The following PARD3 variants were observed in gnomAD, a reference collection of about 807,000 sequenced individuals.
The protein encoded by PARD3 is par-3 family cell polarity regulator, also known as partitioning defective 3 homolog.
In PARD3, 75 loss-of-function variants were observed where a neutral mutation model predicts 155.4. That is an observed-to-expected ratio of 0.48 (90% CI 0.40 to 0.58). PARD3 has a LOEUF of 0.58. Ranked by LOEUF, PARD3 falls within the 20% of genes least tolerant of loss-of-function variation. The pLI is 0.00. For missense variants in PARD3, 1,642 were observed against 1,721.7 expected, an observed-to-expected ratio of 0.95 and a Z score of 0.82; for synonymous variants, 576 against 610.5, an observed-to-expected ratio of 0.94 and a Z score of 0.83.
At chr10:34,434,335 G>A (rs116200954) in intron 5 of PARD3, among the ~76,000 whole-genome samples, 23 of 152,324 alleles carry the variant, frequency 1.5e-4, no homozygotes, top group African/African-American at 5.3e-4. Context: ...AGTATTTCAT[G>A]TGTTTTAGCT....
intron 2 of PARD3, among the ~76,000 whole-genome samples, chr10:34,599,678 C>T (rs539392843): frequency 5.9e-5 from 9 of 152,268 alleles, no homozygotes; most frequent in African/African-American, 2.2e-4. Flanking sequence ...TTTCATAATT[C>T]GAATGACCTT....
At chr10:34,808,432 T>C (rs1843673937) in intron 1 of PARD3, among the ~76,000 whole-genome samples, 1 of 152,200 alleles carries the variant, frequency 6.6e-6, no homozygotes, top group African/African-American at 2.4e-5. Flanking sequence ...TTTGCTTTTG[T>C]ACAGAAAAGG....
intron 22 of PARD3, among the ~76,000 whole-genome samples, chr10:34,163,438 G>A (rs895875864): frequency 6.6e-6 from 1 of 152,178 alleles, no homozygotes; most frequent in African/African-American, 2.4e-5. Flanking sequence ...CAGGCAAAAT[G>A]TTGTAGTTAA....
At chr10:34,207,773 T>C (rs889163920) in intron 22 of PARD3, among the ~76,000 whole-genome samples, 2 of 152,160 alleles carry the variant, frequency 1.3e-5, no homozygotes, top group Admixed American at 1.3e-4. Context: ...CTATGTTAAA[T>C]AGGAAAACCC....
At chr10:34,689,169 A>G (rs377699454) in intron 2 of PARD3, among the ~76,000 whole-genome samples, 1 of 152,238 alleles carries the variant, frequency 6.6e-6, no homozygotes, top group South Asian at 2.1e-4. Flanking sequence ...TAAACCAAAA[A>G]GCAAAACAAG....
intron 4 of PARD3, among the ~76,000 whole-genome samples, chr10:34,467,888 A>G (rs754809462): frequency 1.3e-5 from 2 of 152,194 alleles, no homozygotes; most frequent in Admixed American, 1.3e-4. Context: ...TCTACTTCCC[A>G]GGCTCTTCTG....
chr10:34,503,090 T>C (rs1332630576), intron 3 of PARD3, among the ~76,000 whole-genome samples: 1 of 152,236 alleles, frequency 6.6e-6, no homozygotes, highest in Non-Finnish European at 1.5e-5. Flanking sequence ...TATTAGTAGA[T>C]ACTCATGTAC....
chr10:34,285,124 T>G (rs978032314), intron 20 of PARD3, among the ~76,000 whole-genome samples: 1 of 152,230 alleles, frequency 6.6e-6, no homozygotes, highest in Non-Finnish European at 1.5e-5. Context: ...AATCTTTGTC[T>G]GTAATGCACT....
At position 34,375,053 on chromosome 10, in the gene PARD3, AACACACACACACACAC is replaced by A. The variant is rs35263377; in HGVS notation, c.1540-67_1540-52del. The A allele has an allele frequency of 2.5e-3, 1,967 of 783,626 alleles. 21 individuals carry two copies. The African/African-American group carries it at 0.031, about 12-fold the overall frequency. 48.5% of individuals were successfully genotyped at this position (783,626 alleles called of 1,614,324 possible). A position where few individuals can be genotyped will look rare whatever the true frequency, so the allele number is the denominator to read the frequency against. ...TGTAATCCTGTGGAAACAACAGGAA[AACACACACACACACAC>A]ACACACACACACACACACACACACA... On this transcript the variant is annotated intron_variant, in intron 10 of 24. Transcript: ENST00000374788.
chr10:34,471,718 T>A (rs1195174950), intron 3 of PARD3, among the ~76,000 whole-genome samples: 1 of 152,124 alleles, frequency 6.6e-6, no homozygotes, highest in African/African-American at 2.4e-5. Flanking sequence ...ACCACCATGA[T>A]AAGCTAGTTT....
At chr10:34,133,378 T>C (rs1947718646) in intron 22 of PARD3, among the ~76,000 whole-genome samples, 1 of 152,190 alleles carries the variant, frequency 6.6e-6, no homozygotes, top group Admixed American at 6.5e-5. Flanking sequence ...CCCTGCTGCA[T>C]GTCCTGTGAG....
At chr10:34,633,495 C>T (rs1200401946) in intron 2 of PARD3, among the ~76,000 whole-genome samples, 2 of 152,218 alleles carry the variant, frequency 1.3e-5, no homozygotes, top group African/African-American at 4.8e-5. Context: ...TCTCTAGTTC[C>T]ATACACGTTG....
At chr10:34,353,167 G>C (rs922806752) in intron 14 of PARD3, among the ~76,000 whole-genome samples, 22 of 152,068 alleles carry the variant, frequency 1.4e-4, no homozygotes, top group African/African-American at 5.1e-4. Context: ...CCCCGTCCGG[G>C]AGGGAGGTGG....
chr10:34,573,782 CACAG>C (rs1249969933), intron 2 of PARD3, among the ~76,000 whole-genome samples: 2,613 of 133,704 alleles, frequency 0.02, 76 homozygotes, highest in African/African-American at 0.074. Flanking sequence ...CACACACACA[CACAG>C]AGAATCAGCC....
At chr10:34,470,047 G>C (rs779033135) in intron 4 of PARD3, 38 bp downstream of exon 4, 2 of 1,512,680 alleles carry the variant, frequency 1.3e-6, no homozygotes, top group Admixed American at 4.0e-5. Flanking sequence ...GAAGTCAGGA[G>C]GGGCAAGAGA....
intron 2 of PARD3, among the ~76,000 whole-genome samples, chr10:34,520,508 T>C (rs560432387): frequency 1.3e-5 from 2 of 152,164 alleles, no homozygotes; most frequent in Non-Finnish European, 2.9e-5. Context: ...TATCTGACAG[T>C]GACTTGCAAG....
intron 2 of PARD3, among the ~76,000 whole-genome samples, chr10:34,590,567 G>A (rs538326816): frequency 6.6e-6 from 1 of 152,244 alleles, no homozygotes; most frequent in East Asian, 1.9e-4. Flanking sequence ...CTAAAGAACA[G>A]CAAGGGAAAC....
intron 2 of PARD3, among the ~76,000 whole-genome samples, chr10:34,589,057 CT>C (rs1318837565): frequency 6.6e-6 from 1 of 152,142 alleles, no homozygotes; most frequent in Non-Finnish European, 1.5e-5. Flanking sequence ...GTCTCTCTCT[CT>C]TTCTACTATG....
chr10:34,547,664 C>T (rs983401218), intron 2 of PARD3, among the ~76,000 whole-genome samples: 11 of 152,158 alleles, frequency 7.2e-5, no homozygotes, highest in African/African-American at 2.7e-4. Context: ...GTGCGCTTTC[C>T]TTTTCTTCCC....
Sources: allele counts gnomAD v4.1 joint callset (sites outside exome capture counted in the v4.1 genomes callset), GRCh38; gene constraint gnomAD v4.1.1; transcripts MANE v1.5; gene names NCBI Gene and HGNC (gene_info 2026-07-23, HGNC 2026-07-21).